GNB2: variants seen among roughly 807,000 people sequenced by gnomAD.
The protein encoded by GNB2 is G protein subunit beta 2, also known as guanine nucleotide-binding protein G(I)/G(S)/G(T) subunit beta-2.
A neutral mutation model predicts 40.7 loss-of-function variants in GNB2; 7 were observed. That is an observed-to-expected ratio of 0.17 (90% CI 0.10 to 0.32). The LOEUF (loss-of-function observed/expected upper bound fraction) is 0.32. Ranked by LOEUF, GNB2 falls within the 10% of genes least tolerant of loss-of-function variation. The pLI is 1.00. For missense variants in GNB2, 286 were observed against 473.0 expected (o/e 0.60, Z 3.67); for synonymous variants, 254 against 191.2 (o/e 1.33, Z -2.71).
chr7:100,677,463 C>T (rs777721363), intron 5 of GNB2, 35 bp from the exon 6 acceptor site: 1 of 1,612,972 alleles, frequency 6.2e-7, no homozygotes. Context: ...AGGGCCCTGG[C>T]TGGCTCTGAC....
intron 7 of GNB2, 78 bp from the exon 8 acceptor site, chr7:100,678,020 C>A: frequency 7.9e-7 from 1 of 1,271,038 alleles, no homozygotes; most frequent in Non-Finnish European, 1.1e-6. Context: ...GTTGGGCTCA[C>A]GTGGTGGGGC....
chr7:100,677,258 CAGAG>C (rs1333605176), intron 4 of GNB2, 90 bp from the exon 5 acceptor site: 6 of 970,286 alleles, frequency 6.2e-6, no homozygotes, highest in East Asian at 2.5e-5. Context: ...GCCTGCACAA[CAGAG>C]AGAGACCCTA....
At chr7:100,676,424 C>T in intron 2 of GNB2, 102 bp downstream of exon 2, 1 of 1,294,742 alleles carries the variant, frequency 7.7e-7, no homozygotes, top group African/African-American at 1.5e-5. Flanking sequence ...GGGAGGGCCC[C>T]TTAATGGCTC....
In GNB2 at chr7:100,678,925, C is replaced by A. The variant is rs1405382942; in HGVS notation, c.*124C>A. 1 of 716,700 alleles carries A rather than the reference C, an allele frequency of 1.4e-6. No individual in the cohort carries two copies. Among genetic ancestry groups the A allele is most frequent in the Non-Finnish European group, 2.3e-6 (1 of 427,058 alleles). The allele number at this position is 716,700 out of a possible 1,614,324, so 44.4% of individuals were successfully genotyped here. ...CGGGCCACGGGGCCTTGGGTCCCTG[C>A]CCTCCCACCCAGGTTTGGTTCCTCC... On this transcript the variant is annotated 3_prime_UTR_variant, in exon 10 of 10. Coordinates refer to ENST00000303210, the MANE Select transcript of GNB2 (RefSeq NM_005273.4).
chr7:100,674,828 C>T (rs892533042), intron 1 of GNB2, among the ~76,000 whole-genome samples: 5 of 152,224 alleles, frequency 3.3e-5, no homozygotes, highest in African/African-American at 7.2e-5. Flanking sequence ...GGGCCTCCGG[C>T]GGTGCCGCCA....
chr7:100,674,984 A>G (rs974345102), intron 1 of GNB2, among the ~76,000 whole-genome samples: 1 of 152,074 alleles, frequency 6.6e-6, no homozygotes, highest in East Asian at 1.9e-4. Context: ...AAGGAGGGGA[A>G]ATGTCAGTGG....
intron 7 of GNB2, 67 bp from the exon 8 acceptor site, chr7:100,678,031 G>C (rs140950077): frequency 3.0e-6 from 4 of 1,340,434 alleles, no homozygotes; most frequent in East Asian, 2.3e-5. Flanking sequence ...GTGGTGGGGC[G>C]GGGAGAACAG....
Position 100,678,830 on chromosome 7 carries a change from G to A in GNB2, c.*29G>A. The A allele has an allele frequency of 6.5e-7, 1 of 1,531,712 alleles. No individual in the cohort carries two copies. The highest frequency in any genetic ancestry group is 9.0e-7 in the Non-Finnish European group (1 of 1,106,116). The allele number at this position is 1,531,712 out of a possible 1,614,324, so 94.9% of individuals were successfully genotyped here. ...CCCCACCCCCACTGGGCCCAGGCCAGGAGGGGCCCTGCCCATGCCCACACT... is the reference window on the plus strand; with the variant it reads ...CCCCACCCCCACTGGGCCCAGGCCAAGAGGGGCCCTGCCCATGCCCACACT... On this transcript the variant is annotated 3_prime_UTR_variant, in exon 10 of 10. Transcript: ENST00000303210.
At chr7:100,676,365 C>A in intron 2 of GNB2, 43 bp downstream of exon 2, 1 of 1,538,898 alleles carries the variant, frequency 6.5e-7, no homozygotes, top group Non-Finnish European at 8.9e-7. Flanking sequence ...TGTACACCGC[C>A]CGGTGCCCTG....
At chr7:100,674,171 C>T (rs1804301319) in intron 1 of GNB2, among the ~76,000 whole-genome samples, 1 of 152,174 alleles carries the variant, frequency 6.6e-6, no homozygotes, top group South Asian at 2.1e-4. Context: ...AGACCCCAGC[C>T]CAGCCCCGAC....
intron 7 of GNB2, 21 bp downstream of exon 7, chr7:100,677,839 G>A (rs1804387671): frequency 1.2e-6 from 2 of 1,603,474 alleles, no homozygotes; most frequent in African/African-American, 2.7e-5. Flanking sequence ...GCCAGGGCTG[G>A]GCAGTCTGGG....
chr7:100,677,258 CAG>C (rs1333605176), intron 4 of GNB2, 92 bp from the exon 5 acceptor site: 7 of 970,168 alleles, frequency 7.2e-6, no homozygotes, highest in East Asian at 2.5e-5. Flanking sequence ...GCCTGCACAA[CAG>C]AGAGAGACCC....
rs1358997783 is a variant in GNB2 at position 100,673,847 on chromosome 7, G to GCCGCCT, written c.-160_-155dup. The GCCGCCT allele has an allele frequency of 9.9e-5, 18 of 182,482 alleles. No homozygotes were observed. Among genetic ancestry groups the GCCGCCT allele is most frequent in the African/African-American group, 4.0e-4 (16 of 39,528 alleles). The allele number at this position is 182,482 out of a possible 1,614,324, so 11.3% of individuals were successfully genotyped here. On this transcript the variant is annotated 5_prime_UTR_variant, in exon 1 of 10. Transcript: ENST00000303210. ...CGCCGCCGCCGCCGCCGCCGCCGCC[G>GCCGCCT]CCGCCTCCGCCGCGGAGGAAGACAG...
Position 100,678,830 on chromosome 7 carries a change from G to C in GNB2, c.*29G>C, listed in dbSNP as rs1804427252. The C allele has an allele frequency of 2.0e-6, 3 of 1,531,712 alleles. No individual in the cohort carries two copies. Among genetic ancestry groups the C allele is most frequent in the Admixed American group, 1.7e-5 (1 of 59,764 alleles). 94.9% of individuals were successfully genotyped at this position (1,531,712 alleles called of 1,614,324 possible). On this transcript the variant is annotated 3_prime_UTR_variant, in exon 10 of 10. Coordinates refer to ENST00000303210, the MANE Select transcript of GNB2 (RefSeq NM_005273.4). ...CCCCACCCCCACTGGGCCCAGGCCA[G>C]GAGGGGCCCTGCCCATGCCCACACT...
chr7:100,678,906 A>G lies in GNB2; in HGVS notation c.*105A>G. Reference sequence around the variant, plus strand: ...CAATCCCAGCCCCCTTCCCCGGGCCACGGGGCCTTGGGTCCCTGCCCTCCC... The same window carrying G: ...CAATCCCAGCCCCCTTCCCCGGGCCGCGGGGCCTTGGGTCCCTGCCCTCCC... On this transcript the variant is annotated 3_prime_UTR_variant, in exon 10 of 10. Coordinates refer to ENST00000303210, the MANE Select transcript of GNB2 (RefSeq NM_005273.4). 1 of 891,818 alleles carries G rather than the reference A, an allele frequency of 1.1e-6. No homozygotes were observed. The highest frequency in any genetic ancestry group is 2.6e-5 in the East Asian group (1 of 38,062). 55.2% of individuals were successfully genotyped at this position (891,818 alleles called of 1,614,324 possible).
Position 100,676,799 on chromosome 7 carries a change from G to GGTGT in GNB2, c.203+10_203+13dup, listed in dbSNP as rs138290543. The GGTGT allele has an allele frequency of 2.6e-6, 4 of 1,555,324 alleles. No homozygotes were observed. Among genetic ancestry groups the GGTGT allele is most frequent in the Non-Finnish European group, 2.6e-6 (3 of 1,143,092 alleles). ...GCCATGCACTGGGGGACCGACTCAA[G>GGTGT]GTGTGTGTGTGTGCGCGGGCTGGCG... is the stretch of plus-strand genomic sequence containing the variant. On this transcript the variant is annotated frameshift_variant and splice_region_variant. Transcript: ENST00000303210. LOFTEE classifies it high-confidence loss of function.
rs75270112 is a variant in GNB2, at chr7:100,676,811, T to C, written c.203+12T>C. ...GGGACCGACTCAAGGTGTGTGTGTG[T>C]GCGCGGGCTGGCGCTGTGGGCCGAC... On this transcript the variant is annotated intron_variant, in intron 4 of 9. Coordinates refer to ENST00000303210, the MANE Select transcript of GNB2 (RefSeq NM_005273.4). 5.9e-3 allele frequency: 8,776 copies of C among 1,486,332 alleles called. 106 individuals carry two copies. Among genetic ancestry groups the C allele is most frequent in the African/African-American group, 0.045 (3,277 of 72,118 alleles). 92.1% of individuals were successfully genotyped at this position (1,486,332 alleles called of 1,614,324 possible).
chr7:100,677,048 A>T, intron 4 of GNB2: 1 of 592,706 alleles, frequency 1.7e-6, no homozygotes. Context: ...AGGCCAGGGC[A>T]GGATCACTTG....
In GNB2 at chr7:100,678,994, A is replaced by G; in HGVS notation, c.*193A>G. ...GATAAGAAGGGGATGGAATGGGGGA[A>G]GAGGAGGAGCAGGAGGCCCTCATCC... On this transcript the variant is annotated 3_prime_UTR_variant, in exon 10 of 10. Coordinates refer to ENST00000303210, the MANE Select transcript of GNB2 (RefSeq NM_005273.4). 1.7e-6 allele frequency: 1 copy of G among 579,362 alleles called. No individual in the cohort carries two copies. The highest frequency in any genetic ancestry group is 3.1e-6 in the Non-Finnish European group (1 of 323,372). 35.9% of individuals were successfully genotyped at this position (579,362 alleles called of 1,614,324 possible).
Sources: allele counts gnomAD v4.1 joint callset (sites outside exome capture counted in the v4.1 genomes callset), GRCh38; gene constraint gnomAD v4.1.1; transcripts MANE v1.5; gene names NCBI Gene and HGNC (gene_info 2026-07-23, HGNC 2026-07-21).